Variants in APBA2 observed in about 807,000 individuals in gnomAD.
APBA2 encodes amyloid-beta A4 precursor protein-binding family A member 2.
APBA2 carries 30 observed loss-of-function variants against 75.0 expected under a neutral mutation model. That is an observed-to-expected ratio of 0.40 (90% CI 0.30 to 0.54). APBA2 has a LOEUF of 0.54. APBA2 is among the 20% of genes least tolerant of loss of function. The pLI, the probability that APBA2 is intolerant of heterozygous loss-of-function variation, is 0.49. For missense variants in APBA2, 801 were observed against 1,016.1 expected (o/e 0.79, Z 2.88); for synonymous variants, 444 against 409.6 (o/e 1.08, Z -1.01).
At chr15:28,922,831 T>C (rs2034047705) in intron 2 of APBA2, among the ~76,000 whole-genome samples, 1 of 152,148 alleles carries the variant, frequency 6.6e-6, no homozygotes, top group African/African-American at 2.4e-5. Flanking sequence ...GGTGAGACCT[T>C]AGAAGCAGGC....
chr15:28,940,495 G>T, intron 2 of APBA2, among the ~76,000 whole-genome samples: 1 of 149,856 alleles, frequency 6.7e-6, no homozygotes, highest in East Asian at 2.0e-4. Flanking sequence ...GGAGCTTGCA[G>T]TGAGCCGAGA....
At chr15:29,025,606 G>A (rs2040178942) in intron 3 of APBA2, among the ~76,000 whole-genome samples, 2 of 152,074 alleles carry the variant, frequency 1.3e-5, no homozygotes, top group South Asian at 2.1e-4. Context: ...CTGCATACAG[G>A]GGAGACGGAT....
At chr15:29,100,761 CG>C (rs540487722) in intron 9 of APBA2, among the ~76,000 whole-genome samples, 88 of 152,318 alleles carry the variant, frequency 5.8e-4, no homozygotes, top group African/African-American at 2.1e-3. Context: ...GAGAGCACCT[CG>C]TTCAGAAGGG....
intron 6 of APBA2, among the ~76,000 whole-genome samples, chr15:29,079,160 ATAC>A (rs778889711): frequency 6.6e-6 from 1 of 151,612 alleles, no homozygotes; most frequent in Non-Finnish European, 1.5e-5. Flanking sequence ...ATTGTGAGAG[ATAC>A]TGGCTGCTGG....
chr15:29,052,421 C>T (rs1027091789), intron 3 of APBA2, among the ~76,000 whole-genome samples: 4 of 141,014 alleles, frequency 2.8e-5, no homozygotes, highest in South Asian at 4.3e-4. Context: ...TGCCACTGCA[C>T]TCCATCCTGG....
At chr15:29,020,512 A>G (rs889922284) in intron 3 of APBA2, among the ~76,000 whole-genome samples, 3 of 152,092 alleles carry the variant, frequency 2.0e-5, no homozygotes, top group Non-Finnish European at 4.4e-5. Context: ...AAATATATTT[A>G]AAAACAAAAC....
At chr15:28,899,852 T>C (rs1442688130) in intron 1 of APBA2, among the ~76,000 whole-genome samples, 6 of 152,184 alleles carry the variant, frequency 3.9e-5, no homozygotes, top group African/African-American at 1.4e-4. Context: ...TAGGTAGTAA[T>C]TTAGTTTTAT....
chr15:29,088,448 G>A (rs551525024), intron 6 of APBA2, among the ~76,000 whole-genome samples: 1 of 152,230 alleles, frequency 6.6e-6, no homozygotes, highest in East Asian at 1.9e-4. Context: ...CCTCTTCCAG[G>A]CACCCTTTCT....
intron 5 of APBA2, among the ~76,000 whole-genome samples, chr15:29,075,252 A>T (rs1240849216): frequency 6.6e-6 from 1 of 152,154 alleles, no homozygotes; most frequent in African/African-American, 2.4e-5. Context: ...CTTGTGTTGC[A>T]GATGGTGTGT....
intron 2 of APBA2, among the ~76,000 whole-genome samples, chr15:28,973,969 G>A (rs1023039283): frequency 1.3e-5 from 2 of 152,114 alleles, no homozygotes; most frequent in African/African-American, 4.8e-5. Context: ...TAACACTAAA[G>A]AATAGAACTG....
At chr15:29,002,807 C>T (rs563928954) in intron 3 of APBA2, among the ~76,000 whole-genome samples, 1 of 151,980 alleles carries the variant, frequency 6.6e-6, no homozygotes, top group Non-Finnish European at 1.5e-5. Context: ...TCTTGGTGGC[C>T]GCATACTGTG....
At chr15:28,923,794 T>C (rs2034105903) in intron 2 of APBA2, among the ~76,000 whole-genome samples, 1 of 152,178 alleles carries the variant, frequency 6.6e-6, no homozygotes, top group African/African-American at 2.4e-5. Flanking sequence ...CTTTTTGTGC[T>C]GGTGTCTCAG....
At chr15:29,071,193 A>C (rs994586263) in intron 4 of APBA2, 2 of 378,464 alleles carry the variant, frequency 5.3e-6, no homozygotes, top group Non-Finnish European at 1.1e-5. Flanking sequence ...ATGAGAATTG[A>C]CACTTTTTAA....
intron 2 of APBA2, 131 bp from the exon 3 acceptor site, chr15:28,995,622 A>G (rs1297398773): frequency 9.2e-5 from 14 of 152,234 alleles, no homozygotes; most frequent in Admixed American, 8.5e-4. Flanking sequence ...TTAGAATTAT[A>G]ATCTGTCCAC....
intron 14 of APBA2, among the ~76,000 whole-genome samples, chr15:29,116,364 G>T (rs2336947): frequency 1.1e-4 from 17 of 151,698 alleles, no homozygotes; most frequent in Admixed American, 2.6e-4. Context: ...CGGTGGCTCA[G>T]GCCTGTAATC....
chr15:28,963,808 A>G (rs1465352089), intron 2 of APBA2, among the ~76,000 whole-genome samples: 1 of 152,238 alleles, frequency 6.6e-6, no homozygotes. Context: ...CATTATGCAT[A>G]ACGATAGTAC....
chr15:29,014,387 C>G (rs191544658), intron 3 of APBA2, among the ~76,000 whole-genome samples: 2 of 152,300 alleles, frequency 1.3e-5, no homozygotes, highest in African/African-American at 4.8e-5. Flanking sequence ...ATTTATAGCT[C>G]TAATAATTAC....
chr15:29,023,816 G>T (rs1373615003), intron 3 of APBA2, among the ~76,000 whole-genome samples: 5 of 151,760 alleles, frequency 3.3e-5, no homozygotes, highest in Non-Finnish European at 5.9e-5. Flanking sequence ...AGAGAAAAAA[G>T]TATAATAAAC....
chr15:28,906,390 C>T (rs1250970731), intron 1 of APBA2, among the ~76,000 whole-genome samples: 1 of 152,166 alleles, frequency 6.6e-6, no homozygotes, highest in Non-Finnish European at 1.5e-5. Flanking sequence ...TGACCGTTTA[C>T]TTATTGAACT....
Sources: gnomAD v4.1 joint callset for allele counts (sites outside exome capture counted in the v4.1 genomes callset) on GRCh38, gnomAD v4.1.1 for gene constraint, MANE v1.5 for transcripts, NCBI Gene and HGNC (gene_info 2026-07-23, HGNC 2026-07-21) for gene names.